NUDT6: variants seen among roughly 807,000 people sequenced by gnomAD.
The protein encoded by NUDT6 is FAD diphosphatase NUDT6.
A neutral mutation model predicts 36.8 loss-of-function variants in NUDT6; 24 were observed. The ratio of observed to expected loss-of-function variants is 0.65; its 90% confidence interval spans 0.47 to 0.92. The LOEUF (loss-of-function observed/expected upper bound fraction) is 0.92. Ranked by LOEUF, NUDT6 falls within the 40% of genes least tolerant of loss-of-function variation. NUDT6 has a pLI of 0.00. For missense variants in NUDT6, 388 were observed against 392.8 expected (o/e 0.99, Z 0.10); for synonymous variants, 163 against 157.0 (o/e 1.04, Z -0.29).
rs1187296420 is a variant in NUDT6, at chr4:122,922,452, C to G, written c.121G>C (p.Val41Leu). The change falls in exon 1 of 5, where the codon GTT (valine) becomes CTT (leucine). Residue 41 changes from valine to leucine, a missense_variant. Val to Leu is a conservative substitution (Grantham distance 32). Transcript: ENST00000304430. ...TCGCCCTGCAGATCGCACGCTCCAACTGGCGGATTCCGCACGTAACCCTGT... is the reference window on the plus strand; with the variant it reads ...TCGCCCTGCAGATCGCACGCTCCAAGTGGCGGATTCCGCACGTAACCCTGT... ...GAQGYVRNPP[V>L]GACDLQGELD... The G allele has an allele frequency of 6.2e-7, 1 of 1,612,256 alleles. No homozygotes were observed. The highest frequency in any genetic ancestry group is 8.5e-7 in the Non-Finnish European group (1 of 1,179,868).
At chr4:122,894,624 T>G (rs1282743562) in intron 4 of NUDT6, 1 of 152,120 alleles carries the variant, frequency 6.6e-6, no homozygotes, top group Non-Finnish European at 1.5e-5. Flanking sequence ...AAAAGTAATT[T>G]TTACTCTGAT....
chr4:122,915,487 A>AACAAAAAAAAAAAC (rs1553952496), intron 2 of NUDT6, among the ~76,000 whole-genome samples: 1 of 139,434 alleles, frequency 7.2e-6, no homozygotes, highest in African/African-American at 2.7e-5. Flanking sequence ...AAAAAAAAAA[A>AACAAAAAAAAAAAC]AAAAAAAAAA....
intron 3 of NUDT6, 31 bp from the exon 4 acceptor site, chr4:122,897,709 C>G: frequency 2.1e-6 from 3 of 1,430,170 alleles, no homozygotes; most frequent in Non-Finnish European, 3.0e-6. Flanking sequence ...ATAAAGTTAA[C>G]ATAACTTTCA....
chr4:122,919,254 G>A (rs1380794283), intron 1 of NUDT6: 1 of 152,254 alleles, frequency 6.6e-6, no homozygotes, highest in Non-Finnish European at 1.5e-5. Context: ...GTCTTGCTCT[G>A]TCACCAGGAT....
rs768883534 is a variant in NUDT6, at chr4:122,917,547, C to A, written c.396G>T (p.Gly132=). 2 of 1,614,048 alleles carry A rather than the reference C, an allele frequency of 1.2e-6. No homozygotes were observed. Among genetic ancestry groups the A allele is most frequent in the Non-Finnish European group, 1.7e-6 (2 of 1,180,030 alleles). The change falls in exon 2 of 5, where the codon GGG becomes GGT. Residue 132 remains glycine (G), a synonymous_variant. Transcript: ENST00000304430. ...SSTLTLWLRE[G]PSRLPGYASH... ...AAGCATATCCTGGTAATCTGCTGGG[C>A]CCTTCTCTCAGCCACAGAGTCAACG... is the stretch of plus-strand genomic sequence containing the variant.
chr4:122,894,066 C>T (rs1727274455), intron 4 of NUDT6: 1 of 152,230 alleles, frequency 6.6e-6, no homozygotes, highest in African/African-American at 2.4e-5. Context: ...AGAAACATGT[C>T]TCAATTCCCA....
At chr4:122,897,301 G>A (rs912165524) in intron 4 of NUDT6, 6 of 249,616 alleles carry the variant, frequency 2.4e-5, no homozygotes, top group East Asian at 9.9e-5. Flanking sequence ...AATATTAGTC[G>A]TATCCAAAAT....
At chr4:122,901,277 T>G (rs1197664019) in intron 3 of NUDT6, among the ~76,000 whole-genome samples, 1 of 152,216 alleles carries the variant, frequency 6.6e-6, no homozygotes, top group East Asian at 1.9e-4. Context: ...ATATGTGATT[T>G]TAACCATATT....
intron 3 of NUDT6, among the ~76,000 whole-genome samples, chr4:122,899,252 A>G (rs45581332): frequency 0.011 from 1,690 of 151,984 alleles, 46 homozygotes; most frequent in African/African-American, 0.038. Flanking sequence ...ATAAAAGTCA[A>G]CTTTAAAAAT....
Position 122,897,685 on chromosome 4 carries a change from T to TA in NUDT6, c.499-8dup. 1 of 1,570,558 alleles carries TA rather than the reference T, an allele frequency of 6.4e-7. No individual in the cohort carries two copies. Among genetic ancestry groups the TA allele is most frequent in the Non-Finnish European group, 8.8e-7 (1 of 1,140,434 alleles). On this transcript the variant is annotated splice_region_variant and splice_polypyrimidine_tract_variant and intron_variant, in intron 3 of 4. Transcript: ENST00000304430. ...ACTTCCACATATTTTTCAACTGCAGTATAAAGTCAGAAAATAAAGTTAACA... is the reference window on the plus strand; with the variant it reads ...ACTTCCACATATTTTTCAACTGCAGTAATAAAGTCAGAAAATAAAGTTAACA...
rs191519935 is a variant in NUDT6, at chr4:122,903,198, A to G, written c.499-5520T>C. On this transcript the variant is annotated intron_variant, in intron 3 of 4. Transcript: ENST00000304430. ...TCTCTTTGATGGATCTCTGTTTATA[A>G]CTTAAAAAAATCAAAACCCTACTTA... Among the ~76,000 whole-genome samples, 674 of 152,252 alleles carry G rather than the reference A, an allele frequency of 4.4e-3. 5 individuals are homozygous for G. Among genetic ancestry groups the G allele is most frequent in the Non-Finnish European group, 5.1e-3 (350 of 68,008 alleles).
chr4:122,921,573 G>T (rs1727995775), intron 1 of NUDT6: 1 of 136,260 alleles, frequency 7.3e-6, no homozygotes, highest in Admixed American at 7.6e-5. Context: ...TCTAGCCTGG[G>T]AGACAGAATG....
intron 3 of NUDT6, among the ~76,000 whole-genome samples, chr4:122,903,538 C>G (rs1331254389): frequency 6.6e-6 from 1 of 152,146 alleles, no homozygotes; most frequent in Non-Finnish European, 1.5e-5. Context: ...TGAGAATTTG[C>G]ATTTTTAATA....
chr4:122,900,192 G>A (rs1395219020), intron 3 of NUDT6, among the ~76,000 whole-genome samples: 1 of 151,850 alleles, frequency 6.6e-6, no homozygotes, highest in Non-Finnish European at 1.5e-5. Flanking sequence ...AAGAGAATCT[G>A]GCTGCCTTCA....
chr4:122,918,458 CTTAAGT>C (rs1232202020), intron 1 of NUDT6: 1 of 152,078 alleles, frequency 6.6e-6, no homozygotes, highest in African/African-American at 2.4e-5. Flanking sequence ...GTATTACTAC[CTTAAGT>C]TTATGGGTGA....
chr4:122,893,937 C>T (rs1195237386), intron 4 of NUDT6: 3 of 152,302 alleles, frequency 2.0e-5, no homozygotes, highest in African/African-American at 7.2e-5. Context: ...TTGTCACAGA[C>T]AAAGATTTTT....
At chr4:122,895,771 G>A (rs1685682218) in intron 4 of NUDT6, 1 of 152,210 alleles carries the variant, frequency 6.6e-6, no homozygotes, top group Admixed American at 6.5e-5. Context: ...AAAGAATGAA[G>A]GAGTTCAAAC....
At chr4:122,899,061 A>G (rs1186439154) in intron 3 of NUDT6, among the ~76,000 whole-genome samples, 1 of 6,072 alleles carries the variant, frequency 1.6e-4, no homozygotes, top group Non-Finnish European at 1.1e-3. Flanking sequence ...TTTTTTTTTT[A>G]GAGATGAGAT....
chr4:122,904,854 C>T (rs1315145114), intron 3 of NUDT6, among the ~76,000 whole-genome samples: 1 of 152,166 alleles, frequency 6.6e-6, no homozygotes, highest in Non-Finnish European at 1.5e-5. Context: ...AATTAATATA[C>T]AGCACATAGT....
Sources: allele counts gnomAD v4.1 joint callset (sites outside exome capture counted in the v4.1 genomes callset), GRCh38; gene constraint gnomAD v4.1.1; transcripts MANE v1.5; gene names NCBI Gene and HGNC (gene_info 2026-07-23, HGNC 2026-07-21).